Variants in USP34 observed in about 807,000 individuals in gnomAD.
USP34 encodes ubiquitin specific peptidase 34.
In USP34, 70 loss-of-function variants were observed where a neutral mutation model predicts 460.3. The ratio of observed to expected loss-of-function variants is 0.15; its 90% CI spans 0.13 to 0.19. The LOEUF (loss-of-function observed/expected upper bound fraction) is 0.19, where lower values mean the gene tolerates loss of function less well. Among genes scored for constraint, USP34 ranks in the 10% least tolerant of loss-of-function variants. The pLI is 1.00. For synonymous variants in USP34, 1,647 were observed against 1,405.3 expected, an observed-to-expected ratio of 1.17 and a Z score of -3.85; for missense variants, 3,985 against 4,236.2, an observed-to-expected ratio of 0.94 and a Z score of 1.65.
intron 76 of USP34, 47 bp downstream of exon 76, chr2:61,192,854 G>T (rs1686682392): frequency 1.3e-6 from 2 of 1,508,668 alleles, no homozygotes; most frequent in Admixed American, 1.8e-5. Context: ...TTGACCACTT[G>T]GTCAGATAAG....
At chr2:61,292,488 G>A (rs1228586095) in intron 33 of USP34, among the ~76,000 whole-genome samples, 2 of 152,026 alleles carry the variant, frequency 1.3e-5, no homozygotes, top group Non-Finnish European at 1.5e-5. Flanking sequence ...TTAGTACGGG[G>A]GTGTCCAATC....
At chr2:61,258,984 G>A (rs1688797088) in intron 44 of USP34, among the ~76,000 whole-genome samples, 1 of 152,152 alleles carries the variant, frequency 6.6e-6, no homozygotes, top group East Asian at 1.9e-4. Flanking sequence ...ACAGCTCCGG[G>A]CACGGTGGCT....
In USP34 at chr2:61,289,014, C is replaced by G; in HGVS notation, c.4549-137G>C. 5 of 858,876 alleles carry G rather than the reference C, an allele frequency of 5.8e-6. No individual in the cohort carries two copies. The South Asian group carries it at 9.0e-5, about 16-fold the overall frequency. The allele number at this position is 858,876 out of a possible 1,614,324, so 53.2% of individuals were successfully genotyped here. ...ATCATGTACTATAAAAATTCTGCTG[C>G]TCAAATATTATGGTCAGTACCAATT... On this transcript the variant is annotated intron_variant, in intron 33 of 79. Transcript: ENST00000398571.
Position 61,188,346 on chromosome 2 carries a change from G to C in USP34, c.10397C>G (p.Ser3466Cys), listed in dbSNP as rs1395179652. The change falls in exon 80 of 80, where the codon TCT (serine) becomes TGT (cysteine). Residue 3466 changes from serine (S) to cysteine (C), a missense_variant. Physicochemically the swap from Ser to Cys is moderately radical, Grantham distance 112. This residue lies in a region of USP34 where 506 missense variants were observed against 439.0 expected (regional missense o/e 1.15). Transcript: ENST00000398571. ...SKDSTLAEEE[S>C]EFPSTSISAV... is the part of the protein sequence containing the mutation. Reference sequence around the variant, plus strand: ...AGAGATAGAAGTAGAAGGGAACTCAGATTCTTCCTCAGCTAGGGTAGAATC... The same window carrying C: ...AGAGATAGAAGTAGAAGGGAACTCACATTCTTCCTCAGCTAGGGTAGAATC... 10 of 1,613,662 alleles carry C rather than the reference G, an allele frequency of 6.2e-6. No individual in the cohort carries two copies. The highest frequency in any genetic ancestry group is 8.5e-6 in the Non-Finnish European group (10 of 1,180,038).
chr2:61,403,368 A>G (rs1693776888), intron 3 of USP34, among the ~76,000 whole-genome samples: 1 of 152,124 alleles, frequency 6.6e-6, no homozygotes, highest in African/African-American at 2.4e-5. Flanking sequence ...GAAATTTTTA[A>G]TTGGAAAAAA....
At chr2:61,194,658 T>TA (rs35579813) in intron 75 of USP34, among the ~76,000 whole-genome samples, 1 of 152,124 alleles carries the variant, frequency 6.6e-6, no homozygotes, top group Non-Finnish European at 1.5e-5. Flanking sequence ...ACAATTTTCT[T>TA]AAAAAAATAT....
At chr2:61,397,443 A>T (rs796989860) in intron 3 of USP34, among the ~76,000 whole-genome samples, 6 of 35,944 alleles carry the variant, frequency 1.7e-4, no homozygotes, top group African/African-American at 3.9e-4. Context: ...GCTCCATCTA[A>T]AAAAAAAAAA....
chr2:61,221,689 A>G (rs1687592399), intron 65 of USP34, 83 bp from the exon 66 acceptor site: 3 of 1,253,700 alleles, frequency 2.4e-6, no homozygotes. Flanking sequence ...ATTCTACTAC[A>G]CACTATATTT....
At chr2:61,439,214 C>G (rs1316736679) in intron 1 of USP34, among the ~76,000 whole-genome samples, 1 of 152,176 alleles carries the variant, frequency 6.6e-6, no homozygotes, top group African/African-American at 2.4e-5. Flanking sequence ...CAGTTCGAAA[C>G]CAGCCTGGGT....
At chr2:61,295,074 A>C in intron 31 of USP34, 42 bp from the exon 32 acceptor site, 2 of 1,603,356 alleles carry the variant, frequency 1.2e-6, no homozygotes, top group Non-Finnish European at 8.5e-7. Flanking sequence ...TGGCGGAAGA[A>C]AGAATTATTA....
intron 58 of USP34, 98 bp from the exon 59 acceptor site, chr2:61,229,731 G>A (rs989621497): frequency 7.9e-6 from 8 of 1,013,562 alleles, no homozygotes; most frequent in Middle Eastern, 2.1e-4. Context: ...CCCATTTATA[G>A]TTTGCACAAG....
chr2:61,331,350 G>A lies in USP34; in HGVS notation c.2856C>T (p.Asn952=), dbSNP rs1247631072. 6.2e-7 allele frequency: 1 copy of A among 1,611,114 alleles called. No individual in the cohort carries two copies. The change falls in exon 20 of 80, where the codon AAC becomes AAT. Residue 952 remains asparagine (N), a synonymous_variant. Transcript: ENST00000398571. ...AATTATCAAAGAAAAGCTTCATCATGTTCAGTTCTTTTTCTGCCCACCTGG... is the reference window on the plus strand; with the variant it reads ...AATTATCAAAGAAAAGCTTCATCATATTCAGTTCTTTTTCTGCCCACCTGG... ...WITMWAEKEL[N]MMKLFFDNLV...
intron 49 of USP34, among the ~76,000 whole-genome samples, chr2:61,247,502 G>A (rs1688449268): frequency 6.6e-6 from 1 of 152,180 alleles, no homozygotes; most frequent in Non-Finnish European, 1.5e-5. Flanking sequence ...GCACAGCTGT[G>A]AGGAGGTTCT....
At chr2:61,353,206 T>G (rs1365692816) in intron 10 of USP34, among the ~76,000 whole-genome samples, 1 of 152,220 alleles carries the variant, frequency 6.6e-6, no homozygotes, top group Non-Finnish European at 1.5e-5. Flanking sequence ...GCTAGCTGAT[T>G]GCTAATTCTG....
intron 3 of USP34, among the ~76,000 whole-genome samples, chr2:61,404,522 G>C (rs1038641959): frequency 2.0e-5 from 3 of 152,100 alleles, no homozygotes; most frequent in African/African-American, 7.2e-5. Flanking sequence ...AAGTCTTACA[G>C]CTCCTACTTT....
intron 34 of USP34, among the ~76,000 whole-genome samples, chr2:61,288,270 G>T (rs2067549): frequency 3.9e-5 from 6 of 151,964 alleles, no homozygotes; most frequent in Non-Finnish European, 8.8e-5. Context: ...AAGATCTAGG[G>T]GTGATAAATG....
intron 18 of USP34, among the ~76,000 whole-genome samples, chr2:61,334,424 A>C (rs1691357890): frequency 6.6e-6 from 1 of 152,136 alleles, no homozygotes. Flanking sequence ...CTTCAAGTAG[A>C]TCTGAGTCTG....
At chr2:61,311,738 G>C (rs1416344790) in intron 26 of USP34, 46 bp downstream of exon 26, 10 of 1,609,950 alleles carry the variant, frequency 6.2e-6, no homozygotes, top group Non-Finnish European at 8.5e-6. Flanking sequence ...ACAGATATTT[G>C]ACCTGGGAAA....
Position 61,370,556 on chromosome 2 carries a change from T to C in USP34, c.1100A>G (p.Asp367Gly). The C allele has an allele frequency of 1.2e-6, 2 of 1,613,778 alleles. No individual in the cohort carries two copies. Among genetic ancestry groups the C allele is most frequent in the South Asian group, 2.2e-5 (2 of 90,950 alleles). ...CACCACATTGTTGCTAATAAGCCAG[T>C]CTGCAAGTTCTTTTGCAATGGACCT... ...TETSIAKELA[D>G]WLISNNVVEH... is the part of the protein sequence containing the mutation. Residue 367 changes from aspartate (D) to glycine (G), a missense_variant, in exon 9 of 80, where the codon GAC (aspartate) becomes GGC (glycine). By Grantham distance (94) the Asp-to-Gly change is moderately conservative. Transcript: ENST00000398571.
Sources: gnomAD v4.1 joint callset for allele counts (sites outside exome capture counted in the v4.1 genomes callset) on GRCh38, gnomAD v4.1.1 for gene constraint, gnomAD v4.1.1 regional missense constraint, MANE v1.5 for transcripts, NCBI Gene and HGNC (gene_info 2026-07-23, HGNC 2026-07-21) for gene names.